API5: variants seen among roughly 807,000 people sequenced by gnomAD.
API5 encodes the protein FIF.
A neutral mutation model predicts 71.9 loss-of-function variants in API5; 6 were observed. That is an observed-to-expected ratio of 0.08 (90% CI 0.05 to 0.16). The LOEUF is 0.16. Ranked by LOEUF, API5 falls within the 10% of genes least tolerant of loss-of-function variation. The pLI is 1.00. For missense variants in API5, 332 were observed against 612.8 expected (o/e 0.54, Z 4.84); for synonymous variants, 189 against 221.3 (o/e 0.85, Z 1.30).
chr11:43,320,737 A>C (rs1015121743), intron 2 of API5, 84 bp from the exon 3 acceptor site: 7 of 1,255,576 alleles, frequency 5.6e-6, no homozygotes, highest in Non-Finnish European at 7.9e-6. Context: ...TCTTTAAAAA[A>C]AAAAAAAAGA....
In API5 at chr11:43,312,020, A is replaced by T; in HGVS notation, c.-108A>T. ...GGTGACTGGCGGCTGCACTGGCGGC[A>T]GCTGGAGGTGTAATAGTGCGGGTAG... On this transcript the variant is annotated 5_prime_UTR_variant, in exon 1 of 14. Transcript: ENST00000531273. 1 of 1,248,154 alleles carries T rather than the reference A, an allele frequency of 8.0e-7. No homozygotes were observed. The highest frequency in any genetic ancestry group is 1.1e-6 in the Non-Finnish European group (1 of 885,482). The allele number at this position is 1,248,154 out of a possible 1,614,324, so 77.3% of individuals were successfully genotyped here. A position where few individuals can be genotyped will look rare whatever the true frequency, so the allele number is the denominator to read the frequency against.
chr11:43,318,483 G>A (rs976621103), intron 1 of API5, 157 bp from the exon 2 acceptor site: 6 of 1,537,102 alleles, frequency 3.9e-6, no homozygotes, highest in African/African-American at 1.4e-5. Context: ...AATTGGGAAG[G>A]TAAGTGTCAG....
intron 6 of API5, among the ~76,000 whole-genome samples, chr11:43,324,116 C>G (rs936803025): frequency 3.9e-5 from 6 of 152,162 alleles, no homozygotes; most frequent in Admixed American, 1.3e-4. Context: ...CTCCCAGGCT[C>G]AAGCCTTCCT....
chr11:43,336,234 C>T (rs976434360), intron 13 of API5: 1 of 459,504 alleles, frequency 2.2e-6, no homozygotes, highest in Non-Finnish European at 3.7e-6. Flanking sequence ...AAAAATATGC[C>T]TCTTGTATTC....
rs1242341046 is a variant in API5, at chr11:43,312,027, G to C, written c.-101G>C. ...GGCGGCTGCACTGGCGGCAGCTGGA[G>C]GTGTAATAGTGCGGGTAGTGGGTTT... On this transcript the variant is annotated 5_prime_UTR_variant, in exon 1 of 14. Transcript: ENST00000531273. 2.3e-6 allele frequency: 3 copies of C among 1,317,160 alleles called. No homozygotes were observed. The highest frequency in any genetic ancestry group is 3.2e-6 in the Non-Finnish European group (3 of 938,226). 81.6% of individuals were successfully genotyped at this position (1,317,160 alleles called of 1,614,324 possible). A position where few individuals can be genotyped will look rare whatever the true frequency, so the allele number is the denominator to read the frequency against.
At chr11:43,339,530 C>T (rs1460401909) in intron 13 of API5, among the ~76,000 whole-genome samples, 1 of 152,160 alleles carries the variant, frequency 6.6e-6, no homozygotes, top group Non-Finnish European at 1.5e-5. Flanking sequence ...TTCTCTGTGG[C>T]TATAAAAGTG....
At position 43,328,363 on chromosome 11, in the gene API5, C is replaced by G. The variant is rs578177524; in HGVS notation, c.946-349C>G. On this transcript the variant is annotated intron_variant, in intron 8 of 13. Transcript: ENST00000531273. ...TGTTAAGAGCATCAGCATTTGATGT[C>G]AAATCTAGATTGAATTCTGACTCTT... 3.4e-4 allele frequency among the ~76,000 whole-genome samples: 52 copies of G among 152,284 alleles called. No individual in the cohort carries two copies. In the South Asian group the frequency reaches 0.011, roughly 31 times the overall value.
At chr11:43,319,133 T>C (rs1854777324) in intron 2 of API5, 1 of 238,198 alleles carries the variant, frequency 4.2e-6, no homozygotes, top group Non-Finnish European at 8.0e-6. Context: ...CAATTTGTGC[T>C]TACTTGGATA....
At chr11:43,320,776 A>T in intron 2 of API5, 45 bp from the exon 3 acceptor site, 1 of 1,392,590 alleles carries the variant, frequency 7.2e-7, no homozygotes, top group Non-Finnish European at 1.0e-6. Flanking sequence ...TTGTTATTTT[A>T]AAGGTGATAG....
At chr11:43,322,540 C>T (rs1245964857) in intron 5 of API5, among the ~76,000 whole-genome samples, 1 of 152,180 alleles carries the variant, frequency 6.6e-6, no homozygotes, top group South Asian at 2.1e-4. Flanking sequence ...GCCCTTGACA[C>T]TATCTGCTCT....
chr11:43,323,976 T>G (rs984532825), intron 6 of API5, among the ~76,000 whole-genome samples: 3 of 152,198 alleles, frequency 2.0e-5, no homozygotes, highest in Admixed American at 2.0e-4. Context: ...CACAGTGGTG[T>G]TGGTGAGAAC....
chr11:43,325,417 G>A (rs550284204), intron 6 of API5, among the ~76,000 whole-genome samples: 57 of 152,312 alleles, frequency 3.7e-4, no homozygotes, highest in African/African-American at 1.2e-3. Flanking sequence ...ACAAGACAAC[G>A]TCAAAGCCCA....
chr11:43,318,447 A>G (rs989126269), intron 1 of API5, 193 bp from the exon 2 acceptor site: 2 of 1,534,858 alleles, frequency 1.3e-6, no homozygotes, highest in Non-Finnish European at 1.7e-6. Context: ...CAACTCAAAA[A>G]TGAAACAAAG....
chr11:43,317,931 C>T (rs1854728128), intron 1 of API5, among the ~76,000 whole-genome samples: 2 of 152,208 alleles, frequency 1.3e-5, no homozygotes, highest in African/African-American at 2.4e-5. Context: ...CCACCTCGGC[C>T]TCCCAAAGTG....
chr11:43,342,949 G>A lies in API5; in HGVS notation c.*439G>A, dbSNP rs1855671223. The A allele has an allele frequency of 3.2e-6, 1 of 312,950 alleles. No homozygotes were observed. The highest frequency in any genetic ancestry group is 2.2e-5 in the African/African-American group (1 of 46,130). 19.4% of individuals were successfully genotyped at this position (312,950 alleles called of 1,614,324 possible). A position where few individuals can be genotyped will look rare whatever the true frequency, so the allele number is the denominator to read the frequency against. On this transcript the variant is annotated 3_prime_UTR_variant, in exon 14 of 14. Coordinates refer to ENST00000531273, the MANE Select transcript of API5 (RefSeq NM_001142930.2). ...GAGTAATGGTCAATCTTAACATTTT[G>A]TTTTAATTGTTTAATAAAGCTGCTG...
intron 10 of API5, 76 bp from the exon 11 acceptor site, chr11:43,330,432 C>G (rs1032518419): frequency 1.9e-6 from 2 of 1,046,300 alleles, no homozygotes; most frequent in Admixed American, 3.5e-5. Flanking sequence ...TGTAATTACT[C>G]TAGTTCTATG....
intron 5 of API5, among the ~76,000 whole-genome samples, chr11:43,323,219 C>T (rs545614011): frequency 3.3e-5 from 5 of 151,960 alleles, no homozygotes; most frequent in African/African-American, 1.2e-4. Flanking sequence ...GTAACATTTT[C>T]TAAGAACCAA....
At position 43,330,561 on chromosome 11, in the gene API5, C is replaced by T; in HGVS notation, c.1275C>T (p.Ile425=). The change falls in exon 11 of 14, where the codon ATC becomes ATT. Residue 425 remains isoleucine, a synonymous_variant. Transcript: ENST00000531273. The part of the protein sequence containing the change: ...LKITNNINVL[I]KDLFHIPPSY... ...TAACAAACAATATCAATGTTTTAAT[C>T]AAGGTAAGTCTGTAATACCAAGTGA... The T allele has an allele frequency of 6.3e-7, 1 of 1,582,932 alleles. No individual in the cohort carries two copies. The highest frequency in any genetic ancestry group is 1.3e-5 in the African/African-American group (1 of 74,282).
chr11:43,329,421 C>CTCTA (rs1197802420), intron 9 of API5: 5 of 155,220 alleles, frequency 3.2e-5, no homozygotes, highest in Non-Finnish European at 7.1e-5. Context: ...GGGTAAAGGA[C>CTCTA]TCTAGCTCTT....
Sources: allele counts gnomAD v4.1 joint callset (sites outside exome capture counted in the v4.1 genomes callset), GRCh38; gene constraint gnomAD v4.1.1; transcripts MANE v1.5; gene names NCBI Gene and HGNC (gene_info 2026-07-23, HGNC 2026-07-21).